Variants in HOXD1 observed in about 807,000 individuals in gnomAD.
HOXD1 encodes the protein homeobox D1, also known as homeobox protein Hox-D1.
A neutral mutation model predicts 19.9 loss-of-function variants in HOXD1; 17 were observed. The ratio of observed to expected loss-of-function variants is 0.85; its 90% CI spans 0.58 to 1.28. The LOEUF is 1.28. Ranked by LOEUF, HOXD1 falls within the 50% of genes most tolerant of loss-of-function variation. HOXD1 has a pLI of 0.00. For synonymous variants in HOXD1, 239 were observed against 216.0 expected (o/e 1.11, Z -0.93); for missense variants, 500 against 460.1 (o/e 1.09, Z -0.79).
At position 176,189,454 on chromosome 2, in the gene HOXD1, G is replaced by GT. The variant is rs1691745841; in HGVS notation, c.652+2dup. 3 of 1,611,702 alleles carry GT rather than the reference G, an allele frequency of 1.9e-6. No homozygotes were observed. The highest frequency in any genetic ancestry group is 1.3e-5 in the African/African-American group (1 of 74,880). ...GTGAAGAGGAATGCCTCTAAGAAAG[G>GT]TAAGTCCGCGGGCCTTGGATGGGGC... is the stretch of plus-strand genomic sequence containing the variant. On this transcript the variant is annotated splice_donor_variant, in intron 1 of 1. Transcript: ENST00000331462. LOFTEE classifies it high-confidence loss of function.
In HOXD1 at chr2:176,188,698, A is replaced by C. The variant is rs150457564; in HGVS notation, c.-104A>C. 0.03 allele frequency: 36,933 copies of C among 1,213,576 alleles called. 654 individuals are homozygous for C. Among genetic ancestry groups the C allele is most frequent in the Non-Finnish European group, 0.035 (29,753 of 846,520 alleles). The allele number at this position is 1,213,576 out of a possible 1,614,324, so 75.2% of individuals were successfully genotyped here. On this transcript the variant is annotated 5_prime_UTR_variant, in exon 1 of 2. Transcript: ENST00000331462. ...GGGTTGGAGAGGGCAGCTCGGGTAG[A>C]GAGGGCTGGCGGAGCGGCGCAGACG... is the stretch of plus-strand genomic sequence containing the variant.
chr2:176,189,096 G>A lies in HOXD1; in HGVS notation c.295G>A (p.Ala99Thr), dbSNP rs1320079101. 7.2e-5 allele frequency: 109 copies of A among 1,517,722 alleles called. No individual in the cohort carries two copies. The highest frequency in any genetic ancestry group is 9.1e-5 in the Non-Finnish European group (104 of 1,141,466). The allele number at this position is 1,517,722 out of a possible 1,614,324, so 94.0% of individuals were successfully genotyped here. Residue 99 changes from alanine to threonine, a missense_variant, in exon 1 of 2, where the codon GCG becomes ACG. Physicochemically the swap from Ala to Thr is moderately conservative, Grantham distance 58 (BLOSUM62 0). Coordinates refer to ENST00000331462, the MANE Select transcript of HOXD1 (RefSeq NM_024501.3). ...GAYEPGAAPAAAAGGADYGFL... is the reference protein window; with the variant it reads ...GAYEPGAAPATAAGGADYGFL... ...CTACGAACCTGGTGCCGCACCTGCC[G>A]CGGCAGCTGGGGGCGCGGACTACGG...
At position 176,188,690 on chromosome 2, in the gene HOXD1, T is replaced by C. The variant is rs749219095; in HGVS notation, c.-112T>C. On this transcript the variant is annotated 5_prime_UTR_variant, in exon 1 of 2. Coordinates refer to ENST00000331462, the MANE Select transcript of HOXD1 (RefSeq NM_024501.3). ...CTCGCCATGGGTTGGAGAGGGCAGC[T>C]CGGGTAGAGAGGGCTGGCGGAGCGG... is the stretch of plus-strand genomic sequence containing the variant. 1.8e-6 allele frequency: 2 copies of C among 1,136,798 alleles called. No individual in the cohort carries two copies. The highest frequency in any genetic ancestry group is 1.3e-5 in the South Asian group (1 of 74,842). The allele number at this position is 1,136,798 out of a possible 1,614,324, so 70.4% of individuals were successfully genotyped here. A position where few individuals can be genotyped will look rare whatever the true frequency, so the allele number is the denominator to read the frequency against.
Position 176,189,339 on chromosome 2 carries a change from A to G in HOXD1, c.538A>G (p.Thr180Ala). 1 of 1,612,568 alleles carries G rather than the reference A, an allele frequency of 6.2e-7. No individual in the cohort carries two copies. Among genetic ancestry groups the G allele is most frequent in the Middle Eastern group, 1.7e-4 (1 of 5,978 alleles). The change falls in exon 1 of 2, where the codon ACC (threonine) becomes GCC (alanine). Residue 180 changes from threonine to alanine, a missense_variant. By Grantham distance (58) the Thr-to-Ala change is moderately conservative. Coordinates refer to ENST00000331462, the MANE Select transcript of HOXD1 (RefSeq NM_024501.3). The part of the protein sequence containing the change: ...SADGHPGAFQ[T>A]ASPAPGTYPK... Reference sequence around the variant, plus strand: ...CGACGGCCACCCTGGTGCTTTCCAGACCGCATCCCCGGCCCCAGGCACCTA... The same window carrying G: ...CGACGGCCACCCTGGTGCTTTCCAGGCCGCATCCCCGGCCCCAGGCACCTA...
chr2:176,190,805 A>G lies in HOXD1; in HGVS notation c.*663A>G, dbSNP rs545413842. 6 of 152,744 alleles carry G rather than the reference A, an allele frequency of 3.9e-5. No individual in the cohort carries two copies. Among genetic ancestry groups the G allele is most frequent in the African/African-American group, 9.6e-5 (4 of 41,578 alleles). The allele number at this position is 152,744 out of a possible 1,614,324, so 9.5% of individuals were successfully genotyped here. A position where few individuals can be genotyped will look rare whatever the true frequency, so the allele number is the denominator to read the frequency against. On this transcript the variant is annotated 3_prime_UTR_variant, in exon 2 of 2. Coordinates refer to ENST00000331462, the MANE Select transcript of HOXD1 (RefSeq NM_024501.3). ...AAACTTGAATGTAAATATATACAGT[A>G]TGTATATTTTTTAAAAAGATTTGCT...
Position 176,190,229 on chromosome 2 carries a change from A to G in HOXD1, c.*87A>G. 1.1e-6 allele frequency: 1 copy of G among 898,326 alleles called. No individual in the cohort carries two copies. Among genetic ancestry groups the G allele is most frequent in the African/African-American group, 1.7e-5 (1 of 59,232 alleles). The allele number at this position is 898,326 out of a possible 1,614,324, so 55.6% of individuals were successfully genotyped here. On this transcript the variant is annotated 3_prime_UTR_variant, in exon 2 of 2. Coordinates refer to ENST00000331462, the MANE Select transcript of HOXD1 (RefSeq NM_024501.3). ...TCTAGACTTAGGAGCTCAGTTTGGG[A>G]TGGAGGTGGGAGAACAAAAATGAAT...
Position 176,189,088 on chromosome 2 carries a change from C to A in HOXD1, c.287C>A (p.Ala96Glu), listed in dbSNP as rs1304440820. 6.0e-6 allele frequency: 9 copies of A among 1,506,810 alleles called. No homozygotes were observed. Among genetic ancestry groups the A allele is most frequent in the Non-Finnish European group, 7.9e-6 (9 of 1,136,118 alleles). The allele number at this position is 1,506,810 out of a possible 1,614,324, so 93.3% of individuals were successfully genotyped here. A position where few individuals can be genotyped will look rare whatever the true frequency, so the allele number is the denominator to read the frequency against. The change falls in exon 1 of 2, where the codon GCA (alanine) becomes GAA (glutamate). Residue 96 changes from alanine (A) to glutamate (E), a missense_variant. Coordinates refer to ENST00000331462, the MANE Select transcript of HOXD1 (RefSeq NM_024501.3). ...GAGGGGGCCTACGAACCTGGTGCCG[C>A]ACCTGCCGCGGCAGCTGGGGGCGCG... ...TLEGAYEPGA[A>E]PAAAAGGADY...
Position 176,188,870 on chromosome 2 carries a change from G to C in HOXD1, c.69G>C (p.Leu23Phe). ...GGGTCGGCGGCGACGTGCTCAGCTT[G>C]GCACCCAAGTTCTGCCGCTCCGACG... ...SGGVGGDVLSLAPKFCRSDAR... is the reference protein window; with the variant it reads ...SGGVGGDVLSFAPKFCRSDAR... The change falls in exon 1 of 2, where the codon TTG (leucine) becomes TTC (phenylalanine). Residue 23 changes from leucine to phenylalanine, a missense_variant. Transcript: ENST00000331462. The C allele has an allele frequency of 6.2e-7, 1 of 1,602,376 alleles. No individual in the cohort carries two copies. The highest frequency in any genetic ancestry group is 1.1e-5 in the South Asian group (1 of 90,026).
rs1321390702 is a variant in HOXD1, at chr2:176,190,843, A to C, written c.*701A>C. The C allele has an allele frequency of 5.2e-5, 8 of 152,646 alleles. No individual in the cohort carries two copies. Among genetic ancestry groups the C allele is most frequent in the Non-Finnish European group, 1.2e-4 (8 of 68,038 alleles). 9.5% of individuals were successfully genotyped at this position (152,646 alleles called of 1,614,324 possible). On this transcript the variant is annotated 3_prime_UTR_variant, in exon 2 of 2. Transcript: ENST00000331462. ...AAAAAGATTTGCTTGCAATGACCTT[A>C]TAAGTGACATTTAATGTCATAGCAT...
Position 176,188,951 on chromosome 2 carries a change from C to T in HOXD1, c.150C>T (p.Phe50=). The part of the protein sequence containing the change: ...AFPLGNGDGA[F]VSCLPLAAAR... ...CTCTGGGCAACGGCGACGGCGCCTT[C>T]GTCAGCTGTCTGCCCCTGGCCGCCG... Residue 50 remains phenylalanine, a synonymous_variant, in exon 1 of 2, where the codon TTC becomes TTT. Transcript: ENST00000331462. The T allele has an allele frequency of 6.5e-7, 1 of 1,538,318 alleles. No individual in the cohort carries two copies. Among genetic ancestry groups the T allele is most frequent in the South Asian group, 1.2e-5 (1 of 83,928 alleles).
Position 176,188,811 on chromosome 2 carries a change from T to C in HOXD1, c.10T>C (p.Tyr4His). Reference sequence around the variant, plus strand: ...AGGTGGGGCCCGAACCATGAGCTCCTACCTGGAGTACGTGTCATGCAGCAG... The same window carrying C: ...AGGTGGGGCCCGAACCATGAGCTCCCACCTGGAGTACGTGTCATGCAGCAG... MSS[Y>H]LEYVSCSSSG... The change falls in exon 1 of 2, where the codon TAC becomes CAC. Residue 4 changes from tyrosine (Y) to histidine (H), a missense_variant. Transcript: ENST00000331462. 2 of 1,608,572 alleles carry C rather than the reference T, an allele frequency of 1.2e-6. No individual in the cohort carries two copies. Among genetic ancestry groups the C allele is most frequent in the Non-Finnish European group, 8.5e-7 (1 of 1,178,108 alleles).
chr2:176,189,161 G>A lies in HOXD1; in HGVS notation c.360G>A (p.Val120=), dbSNP rs769844347. The A allele has an allele frequency of 5.1e-6, 8 of 1,556,248 alleles. No homozygotes were observed. The highest frequency in any genetic ancestry group is 6.9e-6 in the Non-Finnish European group (8 of 1,158,614). Reference sequence around the variant, plus strand: ...GGCCGGCGTACGACTTCCCGGGCGTGCTGGGGCGGGCGGCCGACGACGGCG... The same window carrying A: ...GGCCGGCGTACGACTTCCCGGGCGTACTGGGGCGGGCGGCCGACGACGGCG... The part of the protein sequence containing the change: ...GSGPAYDFPG[V]LGRAADDGGS... Residue 120 remains valine (V), a synonymous_variant, in exon 1 of 2, where the codon GTG becomes GTA. Transcript: ENST00000331462.
At position 176,189,346 on chromosome 2, in the gene HOXD1, C is replaced by T. The variant is rs923351699; in HGVS notation, c.545C>T (p.Ser182Phe). The T allele has an allele frequency of 1.2e-6, 2 of 1,612,938 alleles. No individual in the cohort carries two copies. Among genetic ancestry groups the T allele is most frequent in the Admixed American group, 3.3e-5 (2 of 59,992 alleles). ...CACCCTGGTGCTTTCCAGACCGCAT[C>T]CCCGGCCCCAGGCACCTACCCCAAG... Reference protein sequence around the residue: ...DGHPGAFQTASPAPGTYPKSV... With the variant: ...DGHPGAFQTAFPAPGTYPKSV... The change falls in exon 1 of 2, where the codon TCC becomes TTC. Residue 182 changes from serine to phenylalanine, a missense_variant. Coordinates refer to ENST00000331462, the MANE Select transcript of HOXD1 (RefSeq NM_024501.3).
At position 176,189,228 on chromosome 2, in the gene HOXD1, G is replaced by T. The variant is rs1228459314; in HGVS notation, c.427G>T (p.Gly143Cys). Residue 143 changes from glycine (G) to cysteine (C), a missense_variant, in exon 1 of 2, where the codon GGC (glycine) becomes TGC (cysteine). Transcript: ENST00000331462. ...HYATSAVFSG[G>C]GSFLLSGQVD... ...CGCCACCTCGGCCGTCTTCTCGGGC[G>T]GCGGCTCTTTCCTCCTCAGCGGCCA... The T allele has an allele frequency of 1.3e-6, 2 of 1,591,614 alleles. No individual in the cohort carries two copies. Among genetic ancestry groups the T allele is most frequent in the Non-Finnish European group, 1.7e-6 (2 of 1,170,214 alleles).
Position 176,189,293 on chromosome 2 carries a change from G to A in HOXD1, c.492G>A (p.Pro164=), listed in dbSNP as rs766880295. ...YAAFGEPGPF[P]ACLKASADGH... ...CCTTCGGCGAACCCGGCCCTTTTCC[G>A]GCTTGTCTCAAAGCGTCAGCCGACG... The change falls in exon 1 of 2, where the codon CCG becomes CCA. Residue 164 remains proline (P), a synonymous_variant. Coordinates refer to ENST00000331462, the MANE Select transcript of HOXD1 (RefSeq NM_024501.3). The A allele has an allele frequency of 2.5e-6, 4 of 1,609,260 alleles. No individual in the cohort carries two copies. Among genetic ancestry groups the A allele is most frequent in the Non-Finnish European group, 2.5e-6 (3 of 1,178,504 alleles).
rs775119362 is a variant in HOXD1 at position 176,188,695 on chromosome 2, T to A, written c.-107T>A. On this transcript the variant is annotated 5_prime_UTR_variant, in exon 1 of 2. It removes the in-frame stop codon of an upstream open reading frame in the 5' UTR. Coordinates refer to ENST00000331462, the MANE Select transcript of HOXD1 (RefSeq NM_024501.3). ...CATGGGTTGGAGAGGGCAGCTCGGG[T>A]AGAGAGGGCTGGCGGAGCGGCGCAG... is the stretch of plus-strand genomic sequence containing the variant. 2.5e-5 allele frequency: 30 copies of A among 1,177,432 alleles called. No homozygotes were observed. Among genetic ancestry groups the A allele is most frequent in the Non-Finnish European group, 3.4e-5 (28 of 814,674 alleles). 72.9% of individuals were successfully genotyped at this position (1,177,432 alleles called of 1,614,324 possible).
At chr2:176,189,596 A>C in intron 1 of HOXD1, 143 bp downstream of exon 1, 1 of 1,567,938 alleles carries the variant, frequency 6.4e-7, no homozygotes, top group African/African-American at 1.4e-5. Flanking sequence ...GGCGAATTCC[A>C]TGGAGTCTGC....
In HOXD1 at chr2:176,189,937, A is replaced by G; in HGVS notation, c.782A>G (p.Glu261Gly). ...TACTTAACTCGAGCCCGGCGCATCG[A>G]GATAGCCAACTGCTTGCACCTGAAT... Reference protein sequence around the residue: ...NKYLTRARRIEIANCLHLNDT... With the variant: ...NKYLTRARRIGIANCLHLNDT... Residue 261 changes from glutamate (E) to glycine (G), a missense_variant, in exon 2 of 2, where the codon GAG (glutamate) becomes GGG (glycine). Transcript: ENST00000331462. 1 of 1,614,216 alleles carries G rather than the reference A, an allele frequency of 6.2e-7. No homozygotes were observed.
Position 176,189,275 on chromosome 2 carries a change from C to T in HOXD1, c.474C>T (p.Gly158=). 1 of 1,603,810 alleles carries T rather than the reference C, an allele frequency of 6.2e-7. No homozygotes were observed. Among genetic ancestry groups the T allele is most frequent in the Non-Finnish European group, 8.5e-7 (1 of 1,175,982 alleles). The change falls in exon 1 of 2, where the codon GGC becomes GGT. Residue 158 remains glycine (G), a synonymous_variant. Transcript: ENST00000331462. The part of the protein sequence containing the change: ...LSGQVDYAAF[G]EPGPFPACLK... Reference sequence around the variant, plus strand: ...GCCAGGTGGATTACGCGGCCTTCGGCGAACCCGGCCCTTTTCCGGCTTGTC... The same window carrying T: ...GCCAGGTGGATTACGCGGCCTTCGGTGAACCCGGCCCTTTTCCGGCTTGTC...
Sources: allele counts gnomAD v4.1 joint callset, GRCh38; gene constraint gnomAD v4.1.1; transcripts MANE v1.5; gene names NCBI Gene and HGNC (gene_info 2026-07-23, HGNC 2026-07-21).